MCF2L2: variants seen among roughly 807,000 people sequenced by gnomAD.
MCF2L2 encodes the protein MCF.2 cell line derived transforming sequence-like 2, also known as probable guanine nucleotide exchange factor MCF2L2.
MCF2L2 carries 102 observed loss-of-function variants against 150.2 expected under a neutral mutation model. That is an observed-to-expected ratio of 0.68 (90% CI 0.58 to 0.80). The LOEUF is 0.80. Among genes scored for constraint, MCF2L2 ranks in the 30% least tolerant of loss-of-function variants. MCF2L2 has a pLI of 0.00. For missense variants in MCF2L2, 1,256 were observed against 1,372.8 expected (o/e 0.91, Z 1.34); for synonymous variants, 465 against 491.3 (o/e 0.95, Z 0.71).
At chr3:183,269,872 T>C in intron 15 of MCF2L2, 2 of 1,614,028 alleles carry the variant, frequency 1.2e-6, no homozygotes, top group Non-Finnish European at 1.7e-6. Context: ...ACTTGTTTTT[T>C]AGCGAGCCTC....
intron 6 of MCF2L2, among the ~76,000 whole-genome samples, chr3:183,318,729 AT>A (rs1402818292): frequency 6.6e-6 from 1 of 152,220 alleles, no homozygotes; most frequent in Admixed American, 6.5e-5. Context: ...AGTCACAAAA[AT>A]TCTTTTGTGT....
chr3:183,358,352 T>C (rs1711914214), intron 3 of MCF2L2, among the ~76,000 whole-genome samples: 1 of 152,066 alleles, frequency 6.6e-6, no homozygotes, highest in Admixed American at 6.6e-5. Context: ...GGTGTTAGAA[T>C]GCATACCATA....
At chr3:183,240,245 T>C (rs1341527877) in intron 15 of MCF2L2, among the ~76,000 whole-genome samples, 1 of 152,198 alleles carries the variant, frequency 6.6e-6, no homozygotes, top group East Asian at 1.9e-4. Context: ...AAAAGCTCCT[T>C]TGAGATGGAG....
At chr3:183,200,864 T>C (rs374660348) in intron 25 of MCF2L2, among the ~76,000 whole-genome samples, 301 of 152,246 alleles carry the variant, frequency 2.0e-3, no homozygotes, top group Middle Eastern at 6.8e-3. Context: ...TTCCCAGCAC[T>C]ATTTATTAAA....
At position 183,195,271 on chromosome 3, in the gene MCF2L2, A is replaced by G; in HGVS notation, c.2885-16T>C. On this transcript the variant is annotated splice_polypyrimidine_tract_variant and intron_variant, in intron 25 of 29. Transcript: ENST00000328913. Reference sequence around the variant, plus strand: ...TTTCCTTGGTCTAAAATTTTAAAAAACAAAAAACAGCACTCTCAAATTTAA... The same window carrying G: ...TTTCCTTGGTCTAAAATTTTAAAAAGCAAAAAACAGCACTCTCAAATTTAA... 1 of 1,595,330 alleles carries G rather than the reference A, an allele frequency of 6.3e-7. No individual in the cohort carries two copies. The highest frequency in any genetic ancestry group is 8.5e-7 in the Non-Finnish European group (1 of 1,170,370).
At chr3:183,281,891 G>T (rs1346023775) in intron 14 of MCF2L2, among the ~76,000 whole-genome samples, 2 of 139,268 alleles carry the variant, frequency 1.4e-5, no homozygotes, top group Non-Finnish European at 3.0e-5. Flanking sequence ...TTTTCACAGG[G>T]TCTTTTTTTT....
chr3:183,183,188 G>A (rs1273251594), intron 27 of MCF2L2, among the ~76,000 whole-genome samples: 6 of 152,268 alleles, frequency 3.9e-5, no homozygotes, highest in Non-Finnish European at 7.4e-5. Context: ...GTAGAGATGG[G>A]GTTTTACCAT....
chr3:183,228,253 A>G, intron 18 of MCF2L2, 44 bp downstream of exon 18: 1 of 1,465,338 alleles, frequency 6.8e-7, no homozygotes, highest in Non-Finnish European at 9.6e-7. Context: ...CAGAAATGTA[A>G]GGGCTGACTT....
chr3:183,409,495 T>C (rs1715211171), intron 1 of MCF2L2, among the ~76,000 whole-genome samples: 1 of 151,034 alleles, frequency 6.6e-6, no homozygotes, highest in Admixed American at 6.6e-5. Context: ...AAAATGTACA[T>C]AATAAAGCAC....
intron 15 of MCF2L2, among the ~76,000 whole-genome samples, chr3:183,244,390 A>G (rs1006133643): frequency 6.6e-6 from 1 of 152,002 alleles, no homozygotes; most frequent in African/African-American, 2.4e-5. Flanking sequence ...CAGCTTCCCT[A>G]TTTTTGAGGT....
At chr3:183,232,949 C>A (rs1475891912) in intron 15 of MCF2L2, among the ~76,000 whole-genome samples, 1 of 152,160 alleles carries the variant, frequency 6.6e-6, no homozygotes, top group Non-Finnish European at 1.5e-5. Flanking sequence ...ACACGTGCTC[C>A]TTGGTTCAGT....
Position 183,300,016 on chromosome 3 carries a change from G to A in MCF2L2, c.1294C>T (p.Gln432Ter), listed in dbSNP as rs930342547. 1 of 1,612,942 alleles carries A rather than the reference G, an allele frequency of 6.2e-7. No homozygotes were observed. ...TGTGTTTTGCTCACCTTGTCCAGCT[G>A]TCTATGAAACTCTAAGGACTTTCCT... Reference protein sequence around the residue: ...ILGKSLEFHRQLDKVSQWCEA... With the variant: ...ILGKSLEFHR The change falls in exon 11 of 30, where the codon CAG becomes TAG. Residue 432 changes from glutamine to a stop codon, truncating the protein, a stop_gained. Transcript: ENST00000328913. LOFTEE classifies it high-confidence loss of function.
chr3:183,204,720 T>C (rs1576919656), intron 25 of MCF2L2, among the ~76,000 whole-genome samples: 1 of 152,182 alleles, frequency 6.6e-6, no homozygotes, highest in East Asian at 1.9e-4. Flanking sequence ...TACAGCAGCT[T>C]TACTTACAGT....
intron 15 of MCF2L2, among the ~76,000 whole-genome samples, chr3:183,248,598 G>A (rs930869023): frequency 6.6e-6 from 1 of 152,170 alleles, no homozygotes; most frequent in African/African-American, 2.4e-5. Flanking sequence ...ACTTTGGCAG[G>A]TGGAGGCAGG....
At chr3:183,373,775 A>G (rs1713024953) in intron 3 of MCF2L2, 1 of 152,212 alleles carries the variant, frequency 6.6e-6, no homozygotes, top group South Asian at 2.1e-4. Context: ...GTTGAGGTCG[A>G]GAACCATTGT....
intron 14 of MCF2L2, among the ~76,000 whole-genome samples, chr3:183,285,543 G>A (rs77417484): frequency 0.02 from 3,018 of 152,238 alleles, 60 homozygotes; most frequent in East Asian, 0.053. Context: ...TGAGGACTAG[G>A]GATGGACTCA....
chr3:183,303,226 T>TCACTCC (rs1374169901), intron 10 of MCF2L2, among the ~76,000 whole-genome samples: 1 of 149,978 alleles, frequency 6.7e-6, no homozygotes, highest in East Asian at 2.0e-4. Flanking sequence ...CCTCCTCCAC[T>TCACTCC]CACTCCCACC....
intron 1 of MCF2L2, among the ~76,000 whole-genome samples, chr3:183,398,751 T>A (rs965611253): frequency 6.6e-6 from 1 of 152,128 alleles, no homozygotes; most frequent in Non-Finnish European, 1.5e-5. Flanking sequence ...GCTGACAGTA[T>A]CTCATGAATA....
intron 1 of MCF2L2, among the ~76,000 whole-genome samples, chr3:183,415,451 T>C (rs1424825969): frequency 6.6e-6 from 1 of 152,190 alleles, no homozygotes; most frequent in Non-Finnish European, 1.5e-5. Context: ...CCTCCCAAAG[T>C]GCTGGGATTA....
Sources: allele counts gnomAD v4.1 joint callset (sites outside exome capture counted in the v4.1 genomes callset), GRCh38; gene constraint gnomAD v4.1.1; transcripts MANE v1.5; gene names NCBI Gene and HGNC (gene_info 2026-07-23, HGNC 2026-07-21).